The following FGF2 variants were observed in gnomAD, a reference collection of about 807,000 sequenced individuals.
FGF2 encodes the protein fibroblast growth factor 2.
Under a neutral mutation model 15.9 loss-of-function variants are expected in FGF2, and 13 were observed. That is an observed-to-expected ratio of 0.82 (90% CI 0.53 to 1.30). The LOEUF (loss-of-function observed/expected upper bound fraction) is 1.30. Ranked by LOEUF, FGF2 falls within the 50% of genes most tolerant of loss-of-function variation. FGF2 has a pLI of 0.00. For missense variants in FGF2, 163 were observed against 196.9 expected (o/e 0.83, Z 1.03); for synonymous variants, 90 against 78.4 (o/e 1.15, Z -0.78).
At chr4:122,867,776 A>G (rs1438272583) in intron 1 of FGF2, among the ~76,000 whole-genome samples, 1 of 152,224 alleles carries the variant, frequency 6.6e-6, no homozygotes, top group Non-Finnish European at 1.5e-5. Context: ...CACACCTTCC[A>G]TATTCTTAAT....
chr4:122,897,496 G>T lies in FGF2; in HGVS notation c.*5100G>T. On this transcript the variant is annotated 3_prime_UTR_variant, in exon 3 of 3. Transcript: ENST00000644866. The stretch of plus-strand genomic sequence containing the variant: ...TTATATCAGCTCTGAGGTAATTTCT[G>T]AAATGTTCAGACTCAGTCGGAACAA... 1 of 698,636 alleles carries T rather than the reference G, an allele frequency of 1.4e-6. No individual in the cohort carries two copies. The allele number at this position is 698,636 out of a possible 1,614,324, so 43.3% of individuals were successfully genotyped here.
intron 1 of FGF2, chr4:122,840,288 G>A (rs1560738307): frequency 2.0e-5 from 3 of 152,120 alleles, no homozygotes; most frequent in Admixed American, 1.3e-4. Flanking sequence ...TTTTCCTGAA[G>A]AGGAACTCTG....
upstream of FGF2, chr4:122,826,816 C>T (rs1320375372): frequency 1.4e-6 from 2 of 1,452,476 alleles, no homozygotes; most frequent in Admixed American, 2.3e-5. Context: ...GATGTGACGC[C>T]GCGGCCCGGC....
chr4:122,829,405 A>G (rs1725713390), intron 1 of FGF2, among the ~76,000 whole-genome samples: 1 of 152,158 alleles, frequency 6.6e-6, no homozygotes, highest in South Asian at 2.1e-4. Context: ...AATACACATT[A>G]TAATACCCTC....
intron 1 of FGF2, among the ~76,000 whole-genome samples, chr4:122,839,251 G>C (rs1456008191): frequency 6.6e-6 from 1 of 152,154 alleles, no homozygotes; most frequent in African/African-American, 2.4e-5. Context: ...TGACATTATA[G>C]TCTTATGGGA....
intron 1 of FGF2, among the ~76,000 whole-genome samples, chr4:122,866,572 A>G (rs308390): frequency 0.9 from 137,382 of 152,220 alleles, 62,300 homozygotes; most frequent in East Asian, 0.96. Context: ...GCCAATAAGC[A>G]CATGAAAAGA....
At chr4:122,876,180 CACCCATACCCCCA>C (rs1420575362) in intron 1 of FGF2, 128 bp from the exon 2 acceptor site, 1 of 698,680 alleles carries the variant, frequency 1.4e-6, no homozygotes, top group Non-Finnish European at 2.6e-6. Context: ...CCCTGTCACT[CACCCATACCCCCA>C]ACCTCACCAA....
chr4:122,863,534 C>T (rs1221508485), intron 1 of FGF2, among the ~76,000 whole-genome samples: 1 of 152,128 alleles, frequency 6.6e-6, no homozygotes, highest in African/African-American at 2.4e-5. Context: ...TCTCCCTTGC[C>T]AATACCTTGC....
chr4:122,885,186 T>C (rs1727032396), intron 2 of FGF2, among the ~76,000 whole-genome samples: 2 of 152,260 alleles, frequency 1.3e-5, no homozygotes, highest in South Asian at 4.1e-4. Flanking sequence ...CCTAGTTCTC[T>C]AGTTCTTATT....
At chr4:122,890,638 C>A (rs1560759970) in intron 2 of FGF2, among the ~76,000 whole-genome samples, 1 of 152,060 alleles carries the variant, frequency 6.6e-6, no homozygotes, top group Non-Finnish European at 1.5e-5. Context: ...CCTTGTTTTG[C>A]CAATTAATTT....
At chr4:122,848,378 C>A (rs1045364943) in intron 1 of FGF2, among the ~76,000 whole-genome samples, 4 of 152,174 alleles carry the variant, frequency 2.6e-5, no homozygotes, top group African/African-American at 9.7e-5. Flanking sequence ...GAATAATAAT[C>A]TTATTCCAGA....
chr4:122,847,639 A>G (rs202026387), intron 1 of FGF2, among the ~76,000 whole-genome samples: 5 of 135,526 alleles, frequency 3.7e-5, no homozygotes, highest in South Asian at 2.2e-4. Context: ...CTATCTATCT[A>G]TCTGTCTATC....
intron 2 of FGF2, among the ~76,000 whole-genome samples, chr4:122,883,790 T>C (rs1349156596): frequency 6.6e-6 from 1 of 152,214 alleles, no homozygotes; most frequent in Non-Finnish European, 1.5e-5. Context: ...GATCATGATA[T>C]ACCCTGAACA....
At chr4:122,886,581 T>A (rs57859522) in intron 2 of FGF2, among the ~76,000 whole-genome samples, 2,973 of 152,314 alleles carry the variant, frequency 0.02, 100 homozygotes, top group African/African-American at 0.067. Context: ...TTTATATCAA[T>A]ATGTATTCAC....
intron 1 of FGF2, among the ~76,000 whole-genome samples, chr4:122,850,626 A>C (rs1726210083): frequency 6.6e-6 from 1 of 152,214 alleles, no homozygotes; most frequent in Non-Finnish European, 1.5e-5. Context: ...AGAAAAAAAC[A>C]AAAACAAAAT....
At position 122,826,964 on chromosome 4, in the gene FGF2, G is replaced by C. The variant is rs866438952; in HGVS notation, c.-211G>C. ...CCAGGTCCCGGGCCGCCGGCTCGCCGCGCACCAGGGGCCGGCGGACAGAAG... is the reference window on the plus strand; with the variant it reads ...CCAGGTCCCGGGCCGCCGGCTCGCCCCGCACCAGGGGCCGGCGGACAGAAG... On this transcript the variant is annotated 5_prime_UTR_variant, in exon 1 of 3. Transcript: ENST00000644866. 13 of 1,335,600 alleles carry C rather than the reference G, an allele frequency of 9.7e-6. No homozygotes were observed. Among genetic ancestry groups the C allele is most frequent in the Non-Finnish European group, 1.1e-5 (11 of 1,038,848 alleles). The allele number at this position is 1,335,600 out of a possible 1,614,324, so 82.7% of individuals were successfully genotyped here.
intron 1 of FGF2, among the ~76,000 whole-genome samples, chr4:122,875,408 CTAGA>C (rs1403423512): frequency 3.0e-5 from 4 of 132,180 alleles, no homozygotes; most frequent in African/African-American, 5.0e-5. Flanking sequence ...TGTGTTTCCA[CTAGA>C]TAGATATTTG....
intron 2 of FGF2, among the ~76,000 whole-genome samples, chr4:122,878,379 C>G (rs1726898468): frequency 6.6e-6 from 1 of 152,020 alleles, no homozygotes; most frequent in South Asian, 2.1e-4. Flanking sequence ...ATAGATAACT[C>G]TAGGACATAG....
At position 122,826,857 on chromosome 4, in the gene FGF2, G is replaced by T; in HGVS notation, c.-318G>T. ...CCAGATTAGCGGACGCGGTGCCCGC[G>T]GTTGCAACGGGATCCCGGGCGCTGC... On this transcript the variant is annotated 5_prime_UTR_variant, in exon 1 of 3. Transcript: ENST00000644866. The T allele has an allele frequency of 3.3e-6, 5 of 1,504,168 alleles. No individual in the cohort carries two copies. The highest frequency in any genetic ancestry group is 4.4e-6 in the Non-Finnish European group (5 of 1,124,788). 93.2% of individuals were successfully genotyped at this position (1,504,168 alleles called of 1,614,324 possible). A position where few individuals can be genotyped will look rare whatever the true frequency, so the allele number is the denominator to read the frequency against.
Sources: allele counts gnomAD v4.1 joint callset (sites outside exome capture counted in the v4.1 genomes callset), GRCh38; gene constraint gnomAD v4.1.1; transcripts MANE v1.5; gene names NCBI Gene and HGNC (gene_info 2026-07-23, HGNC 2026-07-21).